Variants in CXXC5 observed in about 807,000 individuals in gnomAD.
CXXC5 encodes the protein CXXC finger protein 5.
Under a neutral mutation model 17.6 loss-of-function variants are expected in CXXC5, and 2 were observed. The ratio of observed to expected loss-of-function variants is 0.11; its 90% CI spans 0.05 to 0.36. The LOEUF (loss-of-function observed/expected upper bound fraction) is 0.36, where lower values mean the gene tolerates loss of function less well. Among genes scored for constraint, CXXC5 ranks in the 10% least tolerant of loss-of-function variants. The pLI is 1.00. For missense variants in CXXC5, 343 were observed against 458.3 expected, an observed-to-expected ratio of 0.75 and a Z score of 2.30; for synonymous variants, 171 against 193.0, an observed-to-expected ratio of 0.89 and a Z score of 0.94.
chr5:139,660,863 C>A (rs1183324552), intron 1 of CXXC5, among the ~76,000 whole-genome samples: 2 of 136,162 alleles, frequency 1.5e-5, no homozygotes, highest in Admixed American at 1.4e-4. Context: ...ATCCTCCCCC[C>A]ACCCACCCAC....
chr5:139,678,328 A>G (rs1351712211), intron 1 of CXXC5, among the ~76,000 whole-genome samples: 1 of 152,180 alleles, frequency 6.6e-6, no homozygotes, highest in Non-Finnish European at 1.5e-5. Flanking sequence ...GAGGGAACAC[A>G]GCTATCCTTG....
Position 139,683,024 on chromosome 5 carries a change from C to A in CXXC5, c.*117C>A. ...CCGTCTTTAGAACCAAAAATATTCT[C>A]TCACAGATTTCATTCCTGTTTTTAT... On this transcript the variant is annotated 3_prime_UTR_variant, in exon 3 of 3. Transcript: ENST00000302517. The A allele has an allele frequency of 3.8e-6, 3 of 792,402 alleles. No individual in the cohort carries two copies. Among genetic ancestry groups the A allele is most frequent in the South Asian group, 3.7e-5 (1 of 26,960 alleles). 49.1% of individuals were successfully genotyped at this position (792,402 alleles called of 1,614,324 possible).
At chr5:139,682,638 C>T (rs1046675076) in intron 2 of CXXC5, among the ~76,000 whole-genome samples, 3 of 152,226 alleles carry the variant, frequency 2.0e-5, no homozygotes, top group African/African-American at 7.2e-5. Flanking sequence ...GGTTCCTGGG[C>T]ACAGTGGCTC....
rs927696046 is a variant in CXXC5 at position 139,682,981 on chromosome 5, G to A, written c.*74G>A. 3.0e-6 allele frequency: 4 copies of A among 1,355,536 alleles called. No individual in the cohort carries two copies. The highest frequency in any genetic ancestry group is 3.9e-6 in the Non-Finnish European group (4 of 1,013,714). 84.0% of individuals were successfully genotyped at this position (1,355,536 alleles called of 1,614,324 possible). Reference sequence around the variant, plus strand: ...GTGGTCTCCAGCAAGGGATTCGGGCGAAGACAAACGGATGCACCCGTCTTT... The same window carrying A: ...GTGGTCTCCAGCAAGGGATTCGGGCAAAGACAAACGGATGCACCCGTCTTT... On this transcript the variant is annotated 3_prime_UTR_variant, in exon 3 of 3. Transcript: ENST00000302517.
intron 1 of CXXC5, among the ~76,000 whole-genome samples, chr5:139,672,144 T>C (rs1391848963): frequency 6.6e-6 from 1 of 152,014 alleles, no homozygotes; most frequent in East Asian, 1.9e-4. Context: ...TGAGATGGAG[T>C]TTTGCTCTTG....
At chr5:139,659,852 T>C (rs1213187278) in intron 1 of CXXC5, among the ~76,000 whole-genome samples, 6 of 152,318 alleles carry the variant, frequency 3.9e-5, no homozygotes, top group Admixed American at 2.0e-4. Flanking sequence ...CCACCGAGCT[T>C]CTTGGTTGGC....
In CXXC5 at chr5:139,663,752, AAAC is replaced by A. The variant is rs989674166; in HGVS notation, c.-161+14915_-161+14917del. On this transcript the variant is annotated intron_variant, in intron 1 of 2. Transcript: ENST00000302517. The surrounding 1 kb of genome is among the most constrained non-coding windows in gnomAD (Gnocchi z 4.2). The stretch of plus-strand genomic sequence containing the variant: ...TTATGCTGGCAGATGTGGACAGTAA[AAAC>A]AACAACATGGCTATCCTTAGTTGAG... 1.3e-5 allele frequency among the ~76,000 whole-genome samples: 2 copies of A among 152,314 alleles called. No individual in the cohort carries two copies. Among genetic ancestry groups the A allele is most frequent in the South Asian group, 2.1e-4 (1 of 4,830 alleles).
At chr5:139,650,719 G>T (rs1755123666) in intron 1 of CXXC5, among the ~76,000 whole-genome samples, 1 of 152,210 alleles carries the variant, frequency 6.6e-6, no homozygotes, top group South Asian at 2.1e-4. Flanking sequence ...CCTCCTGAAA[G>T]ATGCCCGTGC....
intron 1 of CXXC5, among the ~76,000 whole-genome samples, chr5:139,662,366 C>T (rs937702929): frequency 6.6e-6 from 1 of 152,082 alleles, no homozygotes; most frequent in Non-Finnish European, 1.5e-5. Context: ...AGCCTCTGCC[C>T]GCCTTTGGGG....
chr5:139,681,483 GTGTC>G (rs753870760), intron 2 of CXXC5, 36 bp downstream of exon 2: 4 of 1,528,406 alleles, frequency 2.6e-6, no homozygotes, highest in Non-Finnish European at 3.5e-6. Context: ...GTGGGCTCTT[GTGTC>G]TGTCTGGCAG....
intron 1 of CXXC5, chr5:139,651,004 A>G (rs1755143474): frequency 6.6e-6 from 1 of 151,970 alleles, no homozygotes; most frequent in South Asian, 2.1e-4. Context: ...TTGCCCTGGG[A>G]AGAGATGGGA....
intron 1 of CXXC5, among the ~76,000 whole-genome samples, chr5:139,669,930 G>T (rs1362244693): frequency 6.6e-6 from 1 of 152,200 alleles, no homozygotes; most frequent in Admixed American, 6.5e-5. Flanking sequence ...GTGCTCCGAG[G>T]TCTTCTGGCT....
At chr5:139,671,627 C>T (rs933698388) in intron 1 of CXXC5, among the ~76,000 whole-genome samples, 2 of 152,232 alleles carry the variant, frequency 1.3e-5, no homozygotes, top group Admixed American at 6.5e-5. Flanking sequence ...GCGGAGGCTG[C>T]GGAATGCCCG....
chr5:139,664,996 C>T (rs1487339686), intron 1 of CXXC5, among the ~76,000 whole-genome samples: 1 of 152,224 alleles, frequency 6.6e-6, no homozygotes, highest in African/African-American at 2.4e-5. Context: ...CGGAGCCCTT[C>T]CCCCCAGACT....
chr5:139,671,305 T>A (rs1439082174), intron 1 of CXXC5, among the ~76,000 whole-genome samples: 3 of 152,244 alleles, frequency 2.0e-5, no homozygotes, highest in South Asian at 2.1e-4. Context: ...CTCCAGCCCC[T>A]GATTTGGGTG....
intron 1 of CXXC5, among the ~76,000 whole-genome samples, chr5:139,669,866 C>G (rs1756352094): frequency 6.6e-6 from 1 of 152,172 alleles, no homozygotes; most frequent in Non-Finnish European, 1.5e-5. Flanking sequence ...GGCCCTGCTC[C>G]CACTCCCTTG....
At position 139,668,109 on chromosome 5, in the gene CXXC5, T is replaced by A. The variant is rs1468829978; in HGVS notation, c.-160-12255T>A. 3.9e-5 allele frequency among the ~76,000 whole-genome samples: 6 copies of A among 152,132 alleles called. No homozygotes were observed. The highest frequency in any genetic ancestry group is 8.8e-5 in the Non-Finnish European group (6 of 68,000). On this transcript the variant is annotated intron_variant, in intron 1 of 2. Coordinates refer to ENST00000302517, the MANE Select transcript of CXXC5 (RefSeq NM_016463.9). This position sits in a 1 kb window ranked among gnomAD's most constrained non-coding sequence, Gnocchi z 4.1. Reference sequence around the variant, plus strand: ...CCTCCCCAACCTCAGGTAGGGGGCCTGGCCCGAGGCAAAAACCTCCCCAAA... The same window carrying A: ...CCTCCCCAACCTCAGGTAGGGGGCCAGGCCCGAGGCAAAAACCTCCCCAAA...
chr5:139,666,259 TG>T (rs1756104225), intron 1 of CXXC5, among the ~76,000 whole-genome samples: 1 of 152,136 alleles, frequency 6.6e-6, no homozygotes, highest in Admixed American at 6.5e-5. Context: ...ATAGGGGCCT[TG>T]AAGTTGACTC....
intron 1 of CXXC5, among the ~76,000 whole-genome samples, chr5:139,655,868 C>A: frequency 6.6e-6 from 1 of 152,214 alleles, no homozygotes; most frequent in East Asian, 1.9e-4. Context: ...CTGCTTAGAG[C>A]AGCGGGCAGG....
Sources: gnomAD v4.1 joint callset for allele counts (sites outside exome capture counted in the v4.1 genomes callset) on GRCh38, gnomAD v4.1.1 for gene constraint, Gnocchi (gnomAD v3.1) non-coding constraint, MANE v1.5 for transcripts, NCBI Gene and HGNC (gene_info 2026-07-23, HGNC 2026-07-21) for gene names.